The following GPR50 variants were observed in gnomAD, a reference collection of about 807,000 sequenced individuals.
The protein encoded by GPR50 is G protein-coupled receptor 50, also known as melatonin-related receptor.
In GPR50, 1 loss-of-function variant was observed where a neutral mutation model predicts 2.6. That is an observed-to-expected ratio of 0.38 (90% CI 0.13 to 1.79). The LOEUF (loss-of-function observed/expected upper bound fraction) is 1.79. Ranked by LOEUF, GPR50 falls within the 40% of genes most tolerant of loss-of-function variation. GPR50 has a pLI of 0.33. For synonymous variants in GPR50, 233 were observed against 202.3 expected (o/e 1.15, Z -1.29); for missense variants, 535 against 522.1 (o/e 1.02, Z -0.24).
chrX:151,181,924 G>A (rs2124121498), downstream of GPR50, among the ~76,000 whole-genome samples: 1 of 112,675 alleles, frequency 8.9e-6, no homozygotes, highest in South Asian at 3.7e-4. Context: ...TCTTCAATGT[G>A]TAACTCTATA....
chrX:151,181,562 C>A (rs2048715605), downstream of GPR50: 1 of 494,983 alleles, frequency 2.0e-6, no homozygotes, highest in Middle Eastern at 5.5e-4. Flanking sequence ...GTGTAAGCTA[C>A]ATCCACCTTT....
In GPR50 at chrX:151,176,858, A is replaced by G. The variant is rs1335216965; in HGVS notation, c.137A>G (p.Asn46Ser). 2 of 1,203,862 alleles carry G rather than the reference A, an allele frequency of 1.7e-6. No individual in the cohort carries two copies. Among genetic ancestry groups the G allele is most frequent in the Non-Finnish European group, 2.2e-6 (2 of 891,715 alleles). The stretch of plus-strand genomic sequence containing the variant: ...ACCATCGTTGTAGACCTAATCGGCA[A>G]CTCCATGGTCATTTTGGCTGTGACG... ...VITIVVDLIGNSMVILAVTKN... is the reference protein window; with the variant it reads ...VITIVVDLIGSSMVILAVTKN... Residue 46 changes from asparagine to serine, a missense_variant, in exon 1 of 2, where the codon AAC (asparagine) becomes AGC (serine). Coordinates refer to ENST00000218316, the MANE Select transcript of GPR50 (RefSeq NM_004224.3).
Position 151,180,186 on chromosome X carries a change from C to A in GPR50, c.603C>A (p.Leu201=), listed in dbSNP as rs188225608. Residue 201 remains leucine (L), a synonymous_variant, in exon 2 of 2, where the codon CTC becomes CTA. Coordinates refer to ENST00000218316, the MANE Select transcript of GPR50 (RefSeq NM_004224.3). ...TCTGCATCCACTTCGTCCTCCCTCTCCTCATCGTGGGTTTCTGCTACGTGA... is the reference window on the plus strand; with the variant it reads ...TCTGCATCCACTTCGTCCTCCCTCTACTCATCGTGGGTTTCTGCTACGTGA... ...TIVCIHFVLP[L]LIVGFCYVRI... 1 of 1,206,217 alleles carries A rather than the reference C, an allele frequency of 8.3e-7. No individual in the cohort carries two copies.
Position 151,180,579 on chromosome X carries a change from C to G in GPR50, c.996C>G (p.Ala332=), listed in dbSNP as rs377702447. ...GTGATATTCGTGAGATGCAGGAGGC[C>G]CGTACCCTGGCCCGCGCCCGTGCCC... The part of the protein sequence containing the change: ...LISDIREMQE[A]RTLARARAHA... Residue 332 remains alanine, a synonymous_variant, in exon 2 of 2, where the codon GCC becomes GCG. Coordinates refer to ENST00000218316, the MANE Select transcript of GPR50 (RefSeq NM_004224.3). The G allele has an allele frequency of 4.5e-5, 54 of 1,208,771 alleles. No individual in the cohort carries two copies. Among genetic ancestry groups the G allele is most frequent in the Non-Finnish European group, 5.8e-5 (52 of 894,478 alleles).
intron 1 of GPR50, chrX:151,177,469 G>A (rs1194051770): frequency 8.9e-6 from 1 of 112,892 alleles, no homozygotes; most frequent in Non-Finnish European, 1.9e-5. Flanking sequence ...CAGATCCCGG[G>A]CGGCGGAGCA....
intron 1 of GPR50, among the ~76,000 whole-genome samples, chrX:151,179,082 C>T (rs1176633063): frequency 9.8e-6 from 1 of 101,927 alleles, no homozygotes; most frequent in African/African-American, 3.6e-5. Context: ...CCACCCTTCC[C>T]GCCCGCCCTC....
chrX:151,180,955 G>A lies in GPR50; in HGVS notation c.1372G>A (p.Val458Ile). Residue 458 changes from valine (V) to isoleucine (I), a missense_variant, in exon 2 of 2, where the codon GTC becomes ATC. Physicochemically the swap from Val to Ile is conservative, Grantham distance 29. Coordinates refer to ENST00000218316, the MANE Select transcript of GPR50 (RefSeq NM_004224.3). ...CTCTGTCCATTTCAAGGGTGACTCT[G>A]TCCATTTCAAGCCTGACTCTGTTCA... ...ADSVHFKGDS[V>I]HFKPDSVHFK... 1.7e-6 allele frequency: 2 copies of A among 1,210,913 alleles called. No individual in the cohort carries two copies. The highest frequency in any genetic ancestry group is 2.2e-6 in the Non-Finnish European group (2 of 895,252).
chrX:151,180,554 G>A lies in GPR50; in HGVS notation c.971G>A (p.Ser324Asn). The A allele has an allele frequency of 8.3e-7, 1 of 1,211,005 alleles. No individual in the cohort carries two copies. Among genetic ancestry groups the A allele is most frequent in the Non-Finnish European group, 1.1e-6 (1 of 895,222 alleles). ...ATCATATTCTTCTCTGGCCTCATCA[G>A]TGATATTCGTGAGATGCAGGAGGCC... ...HPIIFFSGLI[S>N]DIREMQEART... The change falls in exon 2 of 2, where the codon AGT becomes AAT. Residue 324 changes from serine (S) to asparagine (N), a missense_variant. By Grantham distance (46) the Ser-to-Asn change is conservative. Coordinates refer to ENST00000218316, the MANE Select transcript of GPR50 (RefSeq NM_004224.3).
In GPR50 at chrX:151,180,208, G is replaced by C; in HGVS notation, c.625G>C (p.Val209Leu). 4.1e-6 allele frequency: 5 copies of C among 1,205,512 alleles called. No individual in the cohort carries two copies. The highest frequency in any genetic ancestry group is 1.7e-5 in the African/African-American group (1 of 57,776). ...TCTCCTCATCGTGGGTTTCTGCTACGTGAGGATCTGGACCAAAGTGCTGGC... is the reference window on the plus strand; with the variant it reads ...TCTCCTCATCGTGGGTTTCTGCTACCTGAGGATCTGGACCAAAGTGCTGGC... ...LPLLIVGFCY[V>L]RIWTKVLAAR... Residue 209 changes from valine to leucine, a missense_variant, in exon 2 of 2, where the codon GTG becomes CTG. Physicochemically the swap from Val to Leu is conservative, Grantham distance 32. Transcript: ENST00000218316.
rs779863949 is a variant in GPR50 at position 151,180,270 on chromosome X, A to G, written c.687A>G (p.Gln229=). 1.7e-6 allele frequency: 2 copies of G among 1,207,762 alleles called. No individual in the cohort carries two copies. The highest frequency in any genetic ancestry group is 2.2e-5 in the Admixed American group (1 of 45,885). ...CTGCAGGGCAGAATCCTGACAACCA[A>G]CTTGCTGAGGTTCGCAATTTTCTAA... The part of the protein sequence containing the change: ...RDPAGQNPDN[Q]LAEVRNFLTM... Residue 229 remains glutamine, a synonymous_variant, in exon 2 of 2, where the codon CAA becomes CAG. Transcript: ENST00000218316.
At chrX:151,177,134 A>G (rs1007142279) in intron 1 of GPR50, among the ~76,000 whole-genome samples, 1 of 112,611 alleles carries the variant, frequency 8.9e-6, no homozygotes, top group African/African-American at 3.2e-5. Flanking sequence ...TTGGGCATCC[A>G]AGTACAAAGC....
rs1274708779 is a variant in GPR50 at position 151,180,852 on chromosome X, C to A, written c.1269C>A (p.Gly423=). 5 of 1,210,388 alleles carry A rather than the reference C, an allele frequency of 4.1e-6. No homozygotes were observed. Among genetic ancestry groups the A allele is most frequent in the Non-Finnish European group, 5.6e-6 (5 of 894,535 alleles). ...CTGGTCACCTCAAGCCTGTCTCTGG[C>A]CACTCCAAGCCTGCCTCTGGTCACC... ...AASGHLKPVS[G]HSKPASGHPK... is the part of the protein sequence containing the mutation. Residue 423 remains glycine (G), a synonymous_variant, in exon 2 of 2, where the codon GGC becomes GGA. Coordinates refer to ENST00000218316, the MANE Select transcript of GPR50 (RefSeq NM_004224.3).
At position 151,180,702 on chromosome X, in the gene GPR50, T is replaced by C. The variant is rs932825526; in HGVS notation, c.1119T>C (p.Asp373=). 5.8e-6 allele frequency: 7 copies of C among 1,209,466 alleles called. No individual in the cohort carries two copies. The Admixed American group carries it at 6.6e-5, about 11-fold the overall frequency. The change falls in exon 2 of 2, where the codon GAT becomes GAC. Residue 373 remains aspartate, a synonymous_variant. Coordinates refer to ENST00000218316, the MANE Select transcript of GPR50 (RefSeq NM_004224.3). ...TCCGGAATGTTCCATTACCTGGTGA[T>C]GCTGCAGCTGGCCACCCCGACCGTG... The part of the protein sequence containing the change: ...MNVRNVPLPG[D]AAAGHPDRAS...
chrX:151,180,365 C>T lies in GPR50; in HGVS notation c.782C>T (p.Ala261Val). The part of the protein sequence containing the change: ...CPINVLTVLV[A>V]VSPKEMAGKI... ...ATCAACGTGCTCACTGTCTTGGTGGCTGTCAGTCCGAAGGAGATGGCAGGC... is the reference window on the plus strand; with the variant it reads ...ATCAACGTGCTCACTGTCTTGGTGGTTGTCAGTCCGAAGGAGATGGCAGGC... Residue 261 changes from alanine (A) to valine (V), a missense_variant, in exon 2 of 2, where the codon GCT (alanine) becomes GTT (valine). Physicochemically the swap from Ala to Val is moderately conservative, Grantham distance 64. Coordinates refer to ENST00000218316, the MANE Select transcript of GPR50 (RefSeq NM_004224.3). The T allele has an allele frequency of 1.7e-6, 2 of 1,210,563 alleles. No individual in the cohort carries two copies. The highest frequency in any genetic ancestry group is 2.2e-6 in the Non-Finnish European group (2 of 894,690).
At chrX:151,179,350 TTTAA>T (rs2048698705) in intron 1 of GPR50, among the ~76,000 whole-genome samples, 1 of 110,054 alleles carries the variant, frequency 9.1e-6, no homozygotes, top group South Asian at 3.9e-4. Context: ...TTTCTAATTA[TTTAA>T]TTATTTTTAA....
intron 1 of GPR50, among the ~76,000 whole-genome samples, chrX:151,179,142 C>G (rs1202872): frequency 0.29 from 29,510 of 102,134 alleles, 3,452 homozygotes; most frequent in African/African-American, 0.34. Flanking sequence ...TCCCTGCTTC[C>G]CCTCAGTTTT....
In GPR50 at chrX:151,180,788, C is replaced by T. The variant is rs775392711; in HGVS notation, c.1205C>T (p.Thr402Ile). The change falls in exon 2 of 2, where the codon ACC becomes ATC. Residue 402 changes from threonine (T) to isoleucine (I), a missense_variant. By Grantham distance (89) the Thr-to-Ile change is moderately conservative. Transcript: ENST00000218316. ...TCTGCCTATCGCAAATCTGCCTCTA[C>T]CCACCACAAGTCTGTCTTTAGCCAC... is the stretch of plus-strand genomic sequence containing the variant. Reference protein sequence around the residue: ...SSSAYRKSASTHHKSVFSHSK... With the variant: ...SSSAYRKSASIHHKSVFSHSK... The T allele has an allele frequency of 4.6e-5, 56 of 1,208,699 alleles. No homozygotes were observed. The South Asian group carries it at 9.7e-4, about 21-fold the overall frequency.
chrX:151,180,147 C>T lies in GPR50; in HGVS notation c.564C>T (p.Phe188=), dbSNP rs1270986474. 8.3e-7 allele frequency: 1 copy of T among 1,207,834 alleles called. No individual in the cohort carries two copies. The highest frequency in any genetic ancestry group is 3.0e-5 in the East Asian group (1 of 33,829). Residue 188 remains phenylalanine, a synonymous_variant, in exon 2 of 2, where the codon TTC becomes TTT. Transcript: ENST00000218316. ...CIFNYLNNPV[F]TVTIVCIHFV... ...TCAACTATCTGAACAACCCTGTCTT[C>T]ACTGTTACCATCGTCTGCATCCACT...
chrX:151,176,679 A>G lies in GPR50; in HGVS notation c.-43A>G. The G allele has an allele frequency of 9.9e-7, 1 of 1,007,971 alleles. No individual in the cohort carries two copies. The highest frequency in any genetic ancestry group is 1.4e-6 in the Non-Finnish European group (1 of 740,211). 83.1% of individuals were successfully genotyped at this position (1,007,971 alleles called of 1,213,427 possible). A position where few individuals can be genotyped will look rare whatever the true frequency, so the allele number is the denominator to read the frequency against. On this transcript the variant is annotated 5_prime_UTR_variant, in exon 1 of 2. Transcript: ENST00000218316. Reference sequence around the variant, plus strand: ...GTTTGCTGTCTGGACCTGGCTGCTGATCCTGAGCCTGCTGGGAGATCTTAA... The same window carrying G: ...GTTTGCTGTCTGGACCTGGCTGCTGGTCCTGAGCCTGCTGGGAGATCTTAA...
Sources: gnomAD v4.1 joint callset for allele counts (sites outside exome capture counted in the v4.1 genomes callset) on GRCh38, gnomAD v4.1.1 for gene constraint, MANE v1.5 for transcripts, NCBI Gene and HGNC (gene_info 2026-07-23, HGNC 2026-07-21) for gene names.